Variants in EPS15L1 observed in about 807,000 individuals in gnomAD.
EPS15L1 encodes the protein epidermal growth factor receptor substrate 15-like 1.
In EPS15L1, 43 loss-of-function variants were observed where a neutral mutation model predicts 117.1. The observed-to-expected ratio is 0.37, with a 90% CI of 0.29 to 0.47. The LOEUF (loss-of-function observed/expected upper bound fraction) is 0.47, where lower values mean the gene tolerates loss of function less well. Ranked by LOEUF, EPS15L1 falls within the 20% of genes least tolerant of loss-of-function variation. The pLI is 0.99. For missense variants in EPS15L1, 981 were observed against 1,164.0 expected (o/e 0.84, Z 2.29); for synonymous variants, 459 against 470.5 (o/e 0.98, Z 0.32).
chr19:16,395,221 G>C, intron 17 of EPS15L1, 123 bp downstream of exon 17: 1 of 866,242 alleles, frequency 1.2e-6, no homozygotes, highest in South Asian at 2.2e-5. Flanking sequence ...AAAAAAAAAG[G>C]CATTCCTTTC....
rs2092125173 is a variant in EPS15L1 at position 16,365,762 on chromosome 19, TG to T, written c.2381-3779del. On this transcript the variant is annotated intron_variant, in intron 22 of 23. Coordinates refer to ENST00000455140, the MANE Select transcript of EPS15L1 (RefSeq NM_001258374.3). This position sits in a 1 kb window ranked among gnomAD's most constrained non-coding sequence, Gnocchi z 4.9. ...CTCACCACTCTGCTTCCCGTGGCAC[TG>T]GCCTCTGGCACGGCTGAGGGTCAGC... 6.6e-6 allele frequency among the ~76,000 whole-genome samples: 1 copy of T among 152,232 alleles called. No individual in the cohort carries two copies. Among genetic ancestry groups the T allele is most frequent in the South Asian group, 2.1e-4 (1 of 4,834 alleles).
rs369722373 is a variant in EPS15L1 at position 16,437,967 on chromosome 19, C to A, written c.214-102G>T. On this transcript the variant is annotated intron_variant, in intron 4 of 23. Transcript: ENST00000455140. ...CTTCAGGGAAAGAGGATGTGCACTT[C>A]AACAATGAAGGCCGTCCGTGCAAAA... 1.1e-4 allele frequency: 100 copies of A among 880,990 alleles called. No homozygotes were observed. The Middle Eastern group carries it at 1.4e-3, about 12-fold the overall frequency. The allele number at this position is 880,990 out of a possible 1,614,324, so 54.6% of individuals were successfully genotyped here. A position where few individuals can be genotyped will look rare whatever the true frequency, so the allele number is the denominator to read the frequency against.
At chr19:16,368,210 C>G (rs908145813) in intron 22 of EPS15L1, among the ~76,000 whole-genome samples, 4 of 152,222 alleles carry the variant, frequency 2.6e-5, no homozygotes, top group African/African-American at 9.7e-5. Context: ...TCCTACACAA[C>G]TGTGGACACA....
In EPS15L1 at chr19:16,383,445, C is replaced by T. The variant is rs2092385094; in HGVS notation, c.2247+1684G>A. ...ACCAGGACGCCTGAGGGACTGCTGC[C>T]ACCGTGTGGCCAACGTTTTCTGCTT... On this transcript the variant is annotated intron_variant, in intron 21 of 23. Coordinates refer to ENST00000455140, the MANE Select transcript of EPS15L1 (RefSeq NM_001258374.3). This position sits in a 1 kb window ranked among gnomAD's most constrained non-coding sequence, Gnocchi z 5.2. The T allele has an allele frequency of 6.6e-6, 1 of 152,278 alleles. No homozygotes were observed. The highest frequency in any genetic ancestry group is 2.1e-4 in the South Asian group (1 of 4,836). The allele number at this position is 152,278 out of a possible 1,614,324, so 9.4% of individuals were successfully genotyped here. A position where few individuals can be genotyped will look rare whatever the true frequency, so the allele number is the denominator to read the frequency against.
At chr19:16,434,602 T>C (rs2092961275) in intron 6 of EPS15L1, 112 bp from the exon 7 acceptor site, 2 of 1,142,906 alleles carry the variant, frequency 1.7e-6, no homozygotes, top group African/African-American at 1.6e-5. Flanking sequence ...TCATCACCCT[T>C]GGCTAAAAGC....
chr19:16,408,402 T>C (rs936619884), intron 13 of EPS15L1, among the ~76,000 whole-genome samples: 3 of 151,254 alleles, frequency 2.0e-5, no homozygotes, highest in Admixed American at 6.7e-5. Flanking sequence ...GGCAAGCAGA[T>C]CATCTGAGGT....
intron 16 of EPS15L1, among the ~76,000 whole-genome samples, chr19:16,396,412 C>T (rs559576468): frequency 3.0e-4 from 45 of 152,286 alleles, no homozygotes; most frequent in African/African-American, 1.0e-3. Context: ...TAGGCGCGCA[C>T]CACCAAGCCT....
intron 16 of EPS15L1, chr19:16,400,652 G>T (rs17709809): frequency 0.019 from 18,731 of 985,174 alleles, 223 homozygotes; most frequent in South Asian, 0.024. Context: ...AACTGTATTT[G>T]TACAACAGGA....
chr19:16,355,943 G>T (rs1304874320), intron 23 of EPS15L1, 92 bp from the exon 24 acceptor site: 13 of 1,440,264 alleles, frequency 9.0e-6, no homozygotes, highest in Middle Eastern at 3.7e-4. Flanking sequence ...AGGGGTCAGG[G>T]TCCTGCCCAC....
chr19:16,450,990 G>A (rs2093136024), intron 1 of EPS15L1, among the ~76,000 whole-genome samples: 1 of 151,532 alleles, frequency 6.6e-6, no homozygotes, highest in African/African-American at 2.4e-5. Context: ...TCGCTCTGTT[G>A]CCCAGGCTGG....
intron 15 of EPS15L1, among the ~76,000 whole-genome samples, 196 bp downstream of exon 15, chr19:16,403,537 G>A (rs1412794918): frequency 6.6e-6 from 1 of 152,158 alleles, no homozygotes; most frequent in African/African-American, 2.4e-5. Context: ...AACTCCTCCA[G>A]GCCAATGCCA....
At chr19:16,465,985 TA>T (rs1172437385) in intron 1 of EPS15L1, among the ~76,000 whole-genome samples, 3 of 146,654 alleles carry the variant, frequency 2.0e-5, no homozygotes, top group African/African-American at 7.7e-5. Flanking sequence ...TCACTTTATC[TA>T]TTTTTTTTTT....
chr19:16,419,403 G>A (rs1186788677), intron 10 of EPS15L1, among the ~76,000 whole-genome samples: 2 of 152,084 alleles, frequency 1.3e-5, no homozygotes, highest in Non-Finnish European at 1.5e-5. Context: ...AGGTTTCAGT[G>A]AGCCAAGATT....
Position 16,392,295 on chromosome 19 carries a change from C to T in EPS15L1, c.2103+9G>A, listed in dbSNP as rs758797263. 2 of 1,613,924 alleles carry T rather than the reference C, an allele frequency of 1.2e-6. No individual in the cohort carries two copies. Among genetic ancestry groups the T allele is most frequent in the East Asian group, 2.2e-5 (1 of 44,880 alleles). On this transcript the variant is annotated intron_variant, in intron 19 of 23. Coordinates refer to ENST00000455140, the MANE Select transcript of EPS15L1 (RefSeq NM_001258374.3). ...GCAGCTCTCCCGGGCAACGTCCCACCCCACTCACCTTCGAAGGTAAGGAAG... is the reference window on the plus strand; with the variant it reads ...GCAGCTCTCCCGGGCAACGTCCCACTCCACTCACCTTCGAAGGTAAGGAAG...
rs2092640704 is a variant in EPS15L1 at position 16,404,870 on chromosome 19, G to A, written c.1267-121C>T. ...CTCCGAAACCACCCACTGTGACCGT[G>A]CTCAGGGCCAGCATTCCGTGCACAC... is the stretch of plus-strand genomic sequence containing the variant. On this transcript the variant is annotated intron_variant, in intron 13 of 23. Coordinates refer to ENST00000455140, the MANE Select transcript of EPS15L1 (RefSeq NM_001258374.3). This position sits in a 1 kb window ranked among gnomAD's most constrained non-coding sequence, Gnocchi z 4.2. 1.8e-6 allele frequency: 2 copies of A among 1,093,768 alleles called. No homozygotes were observed. The highest frequency in any genetic ancestry group is 2.7e-6 in the Non-Finnish European group (2 of 750,572). The allele number at this position is 1,093,768 out of a possible 1,614,324, so 67.8% of individuals were successfully genotyped here.
At position 16,440,853 on chromosome 19, in the gene EPS15L1, T is replaced by A. The variant is rs762600976; in HGVS notation, c.213+9A>T. ...CCCCTCCATTTGCTCTGTGTACATGTGTATATACCTGTTTGTCCAAGAACC... is the reference window on the plus strand; with the variant it reads ...CCCCTCCATTTGCTCTGTGTACATGAGTATATACCTGTTTGTCCAAGAACC... On this transcript the variant is annotated intron_variant, in intron 4 of 23. Transcript: ENST00000455140. 1 of 1,614,002 alleles carries A rather than the reference T, an allele frequency of 6.2e-7. No individual in the cohort carries two copies. The highest frequency in any genetic ancestry group is 8.5e-7 in the Non-Finnish European group (1 of 1,179,876).
intron 22 of EPS15L1, among the ~76,000 whole-genome samples, chr19:16,369,135 G>A (rs1251995922): frequency 6.6e-6 from 1 of 152,156 alleles, no homozygotes; most frequent in Non-Finnish European, 1.5e-5. Context: ...GACACATGAG[G>A]GGAGTTTGTT....
chr19:16,413,765 A>C lies in EPS15L1; in HGVS notation c.1266+8T>G, dbSNP rs750210600. ...AGTAGATGTAACCAAAACGAACGAG[A>C]CCCTTACCTGCACCTCGCTGGTTTT... On this transcript the variant is annotated splice_region_variant and intron_variant, in intron 13 of 23. Transcript: ENST00000455140. 4 of 1,612,532 alleles carry C rather than the reference A, an allele frequency of 2.5e-6. No homozygotes were observed. The Admixed American group carries it at 6.7e-5, about 27-fold the overall frequency.
At chr19:16,379,650 G>A (rs2092338118) in intron 21 of EPS15L1, among the ~76,000 whole-genome samples, 1 of 152,232 alleles carries the variant, frequency 6.6e-6, no homozygotes, top group Non-Finnish European at 1.5e-5. Context: ...TAGGCCTTCA[G>A]TGTCTAGTCA....
Sources: allele counts gnomAD v4.1 joint callset (sites outside exome capture counted in the v4.1 genomes callset), GRCh38; gene constraint gnomAD v4.1.1; non-coding constraint Gnocchi (gnomAD v3.1); transcripts MANE v1.5; gene names NCBI Gene and HGNC (gene_info 2026-07-23, HGNC 2026-07-21).